Variants in RALGPS2 observed in about 807,000 individuals in gnomAD.
RALGPS2 encodes ras-specific guanine nucleotide-releasing factor RalGPS2.
Under a neutral mutation model 86.8 loss-of-function variants are expected in RALGPS2, and 43 were observed. The ratio of observed to expected loss-of-function variants is 0.50; its 90% confidence interval spans 0.39 to 0.64. The LOEUF is 0.64. RALGPS2 is among the 30% of genes least tolerant of loss of function. The pLI is 0.00. For synonymous variants in RALGPS2, 243 were observed against 231.3 expected (o/e 1.05, Z -0.46); for missense variants, 536 against 694.6 (o/e 0.77, Z 2.57).
In RALGPS2 at chr1:178,816,220, T is replaced by C. The variant is rs140054444; in HGVS notation, c.387+4816T>C. 3.0e-3 allele frequency among the ~76,000 whole-genome samples: 456 copies of C among 152,296 alleles called. 1 individual carries two copies. The highest frequency in any genetic ancestry group is 0.011 in the African/African-American group (449 of 41,566). On this transcript the variant is annotated intron_variant, in intron 6 of 19. Transcript: ENST00000367635. Reference sequence around the variant, plus strand: ...AGTCAGCAATAAGTCTTCCAGTTACTCCACACATCTTGCCAGTACTTGGTG... The same window carrying C: ...AGTCAGCAATAAGTCTTCCAGTTACCCCACACATCTTGCCAGTACTTGGTG...
chr1:178,859,052 T>G (rs561463633), intron 8 of RALGPS2, among the ~76,000 whole-genome samples: 71 of 152,324 alleles, frequency 4.7e-4, no homozygotes, highest in African/African-American at 1.7e-3. Context: ...AGACAAATAC[T>G]TTCTGAAGTG....
intron 2 of RALGPS2, among the ~76,000 whole-genome samples, chr1:178,777,742 A>G (rs1653168360): frequency 6.6e-6 from 1 of 152,164 alleles, no homozygotes; most frequent in Non-Finnish European, 1.5e-5. Flanking sequence ...AACACCGCAT[A>G]TCTACAACTA....
Position 178,788,833 on chromosome 1 carries a change from C to T in RALGPS2, c.213+3226C>T, listed in dbSNP as rs1313962586. 3.8e-3 allele frequency among the ~76,000 whole-genome samples: 492 copies of T among 128,928 alleles called. 1 individual carries two copies. The highest frequency in any genetic ancestry group is 0.013 in the African/African-American group (441 of 32,798). The allele number at this position is 128,928 out of a possible 152,430, so 84.6% of individuals were successfully genotyped here. A position where few individuals can be genotyped will look rare whatever the true frequency, so the allele number is the denominator to read the frequency against. ...CTTTTCTTTTCTTTTCTTTTGTTTT[C>T]TTTCTTTCTTTCTTTTCTTTTCTTT... On this transcript the variant is annotated intron_variant, in intron 4 of 19. Transcript: ENST00000367635.
rs1195521520 is a variant in RALGPS2, at chr1:178,881,235, A to G, written c.837-2231A>G. ...GGGGGGACCTAACCTAGCTTTACCT[A>G]GGAAAACTAAAAGGAAATATGAACA... On this transcript the variant is annotated intron_variant, in intron 10 of 19. Transcript: ENST00000367635. Among the ~76,000 whole-genome samples, 3 of 152,178 alleles carry G rather than the reference A, an allele frequency of 2.0e-5. No homozygotes were observed. In the East Asian group the frequency reaches 5.8e-4, roughly 29 times the overall value.
intron 1 of RALGPS2, among the ~76,000 whole-genome samples, chr1:178,762,730 T>C (rs1652313233): frequency 6.6e-6 from 1 of 152,212 alleles, no homozygotes; most frequent in Non-Finnish European, 1.5e-5. Flanking sequence ...TTAAGTTCCT[T>C]ATAGATCCTG....
At chr1:178,913,153 A>G (rs928441116) in intron 19 of RALGPS2, among the ~76,000 whole-genome samples, 1 of 152,058 alleles carries the variant, frequency 6.6e-6, no homozygotes, top group Non-Finnish European at 1.5e-5. Context: ...ATGTTGGTGC[A>G]TACCTGTAGT....
chr1:178,730,049 C>T (rs1247696779), intron 1 of RALGPS2, among the ~76,000 whole-genome samples: 1 of 152,188 alleles, frequency 6.6e-6, no homozygotes, highest in Non-Finnish European at 1.5e-5. Flanking sequence ...TCAACTGATT[C>T]TCCTGCCTCA....
chr1:178,894,895 A>C (rs1659873274), intron 16 of RALGPS2, among the ~76,000 whole-genome samples: 1 of 152,074 alleles, frequency 6.6e-6, no homozygotes, highest in Non-Finnish European at 1.5e-5. Context: ...TATATCATGA[A>C]GAAGTATTTT....
chr1:178,771,083 C>T (rs2102088895), intron 1 of RALGPS2, among the ~76,000 whole-genome samples: 1 of 151,070 alleles, frequency 6.6e-6, no homozygotes, highest in South Asian at 2.1e-4. Context: ...AGGTGATCCA[C>T]CTGCCTCGGC....
intron 2 of RALGPS2, among the ~76,000 whole-genome samples, chr1:178,784,024 C>T (rs1653523135): frequency 6.6e-6 from 1 of 152,014 alleles, no homozygotes; most frequent in African/African-American, 2.4e-5. Flanking sequence ...TGTTATAAAG[C>T]TAGTTTGTCT....
intron 7 of RALGPS2, among the ~76,000 whole-genome samples, chr1:178,830,770 T>C (rs948178421): frequency 1.3e-5 from 2 of 152,092 alleles, no homozygotes; most frequent in Non-Finnish European, 1.5e-5. Flanking sequence ...AGAGTAAGAA[T>C]TTCTGTTCAT....
intron 1 of RALGPS2, among the ~76,000 whole-genome samples, chr1:178,740,671 T>C (rs570080541): frequency 1.9e-4 from 29 of 152,234 alleles, no homozygotes; most frequent in African/African-American, 6.7e-4. Flanking sequence ...ACCATGTGGT[T>C]TGAGAGAGAG....
chr1:178,755,153 T>C (rs1023014809), intron 1 of RALGPS2, among the ~76,000 whole-genome samples: 3 of 152,208 alleles, frequency 2.0e-5, no homozygotes, highest in Non-Finnish European at 4.4e-5. Context: ...TTTATTTTTT[T>C]CCAATGCATG....
At chr1:178,863,636 G>T (rs1368058951) in intron 8 of RALGPS2, among the ~76,000 whole-genome samples, 2 of 152,188 alleles carry the variant, frequency 1.3e-5, no homozygotes, top group African/African-American at 4.8e-5. Context: ...TCTAGCTTTG[G>T]TTAAATCAGG....
At chr1:178,761,335 A>G (rs1652229740) in intron 1 of RALGPS2, among the ~76,000 whole-genome samples, 1 of 150,520 alleles carries the variant, frequency 6.6e-6, no homozygotes, top group African/African-American at 2.4e-5. Context: ...AGGCTGAGGC[A>G]GGAGAATGGC....
At chr1:178,831,556 C>T (rs2102245057) in intron 7 of RALGPS2, among the ~76,000 whole-genome samples, 1 of 152,098 alleles carries the variant, frequency 6.6e-6, no homozygotes, top group Admixed American at 6.5e-5. Context: ...AAGAGGCTTG[C>T]CCCCATTTGT....
At chr1:178,741,751 G>A (rs1651037404) in intron 1 of RALGPS2, among the ~76,000 whole-genome samples, 1 of 152,056 alleles carries the variant, frequency 6.6e-6, no homozygotes, top group Non-Finnish European at 1.5e-5. Flanking sequence ...AGAAAAAAAA[G>A]GGACAAATGT....
At chr1:178,787,634 A>T (rs4369190) in intron 4 of RALGPS2, among the ~76,000 whole-genome samples, 70,634 of 151,876 alleles carry the variant, frequency 0.47, 17,707 homozygotes, top group African/African-American at 0.65. Flanking sequence ...TCTATGGGAA[A>T]TTTTTATTCC....
rs2102249392 is a variant in RALGPS2 at position 178,833,542 on chromosome 1, C to T, written c.599C>T (p.Pro200Leu). Residue 200 changes from proline (P) to leucine (L), a missense_variant, in exon 8 of 20, where the codon CCC (proline) becomes CTC (leucine). By Grantham distance (98) the Pro-to-Leu change is moderately conservative. This residue lies in a region of RALGPS2 where 184 missense variants were observed against 296.7 expected (regional missense o/e 0.62). Transcript: ENST00000367635. ...ISSLKMTPCI[P>L]YLGIYLSDLT... is the part of the protein sequence containing the mutation. ...AGCTTAAAGATGACACCTTGCATTC[C>T]CTATTTAGGTGAGTTATGTCACTGT... The T allele has an allele frequency of 6.5e-7, 1 of 1,528,026 alleles. No homozygotes were observed. Among genetic ancestry groups the T allele is most frequent in the East Asian group, 2.6e-5 (1 of 37,882 alleles). The allele number at this position is 1,528,026 out of a possible 1,614,324, so 94.7% of individuals were successfully genotyped here. A position where few individuals can be genotyped will look rare whatever the true frequency, so the allele number is the denominator to read the frequency against.
Sources: gnomAD v4.1 joint callset for allele counts (sites outside exome capture counted in the v4.1 genomes callset) on GRCh38, gnomAD v4.1.1 for gene constraint, gnomAD v4.1.1 regional missense constraint, MANE v1.5 for transcripts, NCBI Gene and HGNC (gene_info 2026-07-23, HGNC 2026-07-21) for gene names.